ITGA2: variants seen among roughly 807,000 people sequenced by gnomAD.
The protein encoded by ITGA2 is integrin alpha-2.
In ITGA2, 101 loss-of-function variants were observed where a neutral mutation model predicts 146.3. That is an observed-to-expected ratio of 0.69 (90% CI 0.59 to 0.81). The LOEUF is 0.81. Among genes scored for constraint, ITGA2 ranks in the 40% least tolerant of loss-of-function variants. The pLI is 0.00. For missense variants in ITGA2, 1,281 were observed against 1,402.7 expected, an observed-to-expected ratio of 0.91 and a Z score of 1.39; for synonymous variants, 477 against 487.1, an observed-to-expected ratio of 0.98 and a Z score of 0.27.
rs1295743050 is a variant in ITGA2, at chr5:53,020,555, C to A, written c.65-6193C>A. Among the ~76,000 whole-genome samples the A allele has an allele frequency of 2.0e-5, 3 of 152,126 alleles. 1 individual carries two copies. The highest frequency in any genetic ancestry group is 4.8e-5 in the African/African-American group (2 of 41,446). On this transcript the variant is annotated intron_variant, in intron 1 of 29. Transcript: ENST00000296585. ...ATTTGTGCATGTGACAATAAGATTA[C>A]ACACTGCAAATGATGTTGAAATAAA...
At chr5:53,060,808 C>CA (rs1299675146) in intron 11 of ITGA2, 93 bp from the exon 12 acceptor site, 1 of 1,230,920 alleles carries the variant, frequency 8.1e-7, no homozygotes, top group Non-Finnish European at 1.2e-6. Context: ...ACATCTAACA[C>CA]AAAAGGATCT....
intron 3 of ITGA2, among the ~76,000 whole-genome samples, chr5:53,044,481 C>T (rs3212457): frequency 0.27 from 41,637 of 151,476 alleles, 5,792 homozygotes; most frequent in Admixed American, 0.32. Context: ...GGTTGATGCC[C>T]TAGGTCAGTG....
chr5:53,034,262 A>G (rs1474169433), intron 2 of ITGA2, among the ~76,000 whole-genome samples: 5 of 152,120 alleles, frequency 3.3e-5, no homozygotes, highest in African/African-American at 1.2e-4. Flanking sequence ...TTGCTGTACA[A>G]TTAAGCCATC....
At position 53,040,046 on chromosome 5, in the gene ITGA2, G is replaced by C. The variant is rs1004800195; in HGVS notation, c.186-2066G>C. Among the ~76,000 whole-genome samples the C allele has an allele frequency of 2.0e-5, 3 of 151,936 alleles. 1 individual carries two copies. In the South Asian group the frequency reaches 6.2e-4, roughly 32 times the overall value. ...CTATGTAGGTACTTAGGGTTACCTC[G>C]AGTTAAAAGAGCCGGGGGACTTCCT... is the stretch of plus-strand genomic sequence containing the variant. On this transcript the variant is annotated intron_variant, in intron 2 of 29. Coordinates refer to ENST00000296585, the MANE Select transcript of ITGA2 (RefSeq NM_002203.4).
At chr5:53,088,300 AG>A (rs1278551665) in intron 28 of ITGA2, among the ~76,000 whole-genome samples, 1 of 152,210 alleles carries the variant, frequency 6.6e-6, no homozygotes, top group East Asian at 1.9e-4. Flanking sequence ...TAAATCCATT[AG>A]ATTCCTCTTT....
intron 27 of ITGA2, among the ~76,000 whole-genome samples, chr5:53,083,690 C>T (rs1369706435): frequency 2.0e-5 from 3 of 152,158 alleles, no homozygotes; most frequent in Non-Finnish European, 4.4e-5. Flanking sequence ...TCTCAGACTC[C>T]ATGCGACCTA....
chr5:53,066,640 CATTG>C (rs1329753985), intron 15 of ITGA2, among the ~76,000 whole-genome samples: 1 of 151,770 alleles, frequency 6.6e-6, no homozygotes, highest in African/African-American at 2.4e-5. Context: ...AAATAATATT[CATTG>C]ATTATTTTTT....
rs886060686 is a variant in ITGA2 at position 53,093,712 on chromosome 5, G to A, written c.*3113G>A. On this transcript the variant is annotated 3_prime_UTR_variant, in exon 30 of 30. Coordinates refer to ENST00000296585, the MANE Select transcript of ITGA2 (RefSeq NM_002203.4). ...ATTCAACAATATTTTTGCTTTAAAAGTAAGTAGAGGGCATAAAAGATGTCA... is the reference window on the plus strand; with the variant it reads ...ATTCAACAATATTTTTGCTTTAAAAATAAGTAGAGGGCATAAAAGATGTCA... 1 of 152,320 alleles carries A rather than the reference G, an allele frequency of 6.6e-6. No individual in the cohort carries two copies. Among genetic ancestry groups the A allele is most frequent in the Non-Finnish European group, 1.5e-5 (1 of 68,022 alleles). 9.4% of individuals were successfully genotyped at this position (152,320 alleles called of 1,614,324 possible). A position where few individuals can be genotyped will look rare whatever the true frequency, so the allele number is the denominator to read the frequency against.
chr5:53,062,724 G>A, intron 12 of ITGA2, 62 bp from the exon 13 acceptor site: 1 of 1,529,968 alleles, frequency 6.5e-7, no homozygotes, highest in Non-Finnish European at 9.0e-7. Flanking sequence ...TAAATGTTCA[G>A]TGTAATATTA....
chr5:53,075,259 A>C lies in ITGA2; in HGVS notation c.2780A>C (p.Asn927Thr). ...QEENKADNLV[N>T]LKIPLLYDAE... ...GAAAACAAGGCTGATAATTTGGTCA[A>C]CCTCAAAATTCCTCTCCTGTATGAT... The change falls in exon 23 of 30, where the codon AAC becomes ACC. Residue 927 changes from asparagine (N) to threonine (T), a missense_variant. Around this residue, in one of 3 missense-constraint regions of ITGA2, gnomAD observed 475 missense variants for 530.5 expected, o/e 0.90. Transcript: ENST00000296585. The C allele has an allele frequency of 6.2e-7, 1 of 1,612,792 alleles. No individual in the cohort carries two copies. Among genetic ancestry groups the C allele is most frequent in the East Asian group, 2.2e-5 (1 of 44,748 alleles).
chr5:53,044,307 G>A (rs201424214), intron 3 of ITGA2, among the ~76,000 whole-genome samples: 2,946 of 51,832 alleles, frequency 0.057, no homozygotes, highest in African/African-American at 0.09. Context: ...AAAAAAAAAA[G>A]AAAGGTGAAC....
chr5:53,013,604 C>T (rs933060584), intron 1 of ITGA2, among the ~76,000 whole-genome samples: 1 of 151,874 alleles, frequency 6.6e-6, no homozygotes, highest in Non-Finnish European at 1.5e-5. Flanking sequence ...TTTTTGATTC[C>T]ATATGAATTA....
chr5:53,078,768 A>T lies in ITGA2; in HGVS notation c.2826-4A>T. ...TATTTGGCTTTACAAACATCATCCA[A>T]CAGATCTACCAACATAAATTTTTAT... On this transcript the variant is annotated splice_polypyrimidine_tract_variant and splice_region_variant and intron_variant, in intron 23 of 29. Transcript: ENST00000296585. 6.4e-7 allele frequency: 1 copy of T among 1,562,394 alleles called. No homozygotes were observed. Among genetic ancestry groups the T allele is most frequent in the East Asian group, 2.2e-5 (1 of 44,484 alleles).
intron 28 of ITGA2, among the ~76,000 whole-genome samples, chr5:53,088,685 CAAAA>C (rs5867861): frequency 1.9e-5 from 2 of 105,888 alleles, no homozygotes; most frequent in Non-Finnish European, 3.7e-5. Context: ...GACTCTGTCT[CAAAA>C]AAAAAAAAAA....
intron 18 of ITGA2, among the ~76,000 whole-genome samples, chr5:53,072,330 T>C (rs1289993826): frequency 6.6e-6 from 1 of 151,788 alleles, no homozygotes; most frequent in Non-Finnish European, 1.5e-5. Context: ...ATAAAGTAAA[T>C]GCCTTGTGCT....
intron 26 of ITGA2, among the ~76,000 whole-genome samples, 194 bp from the exon 27 acceptor site, chr5:53,083,146 G>C (rs1746005298): frequency 6.6e-6 from 1 of 151,974 alleles, no homozygotes; most frequent in South Asian, 2.1e-4. Flanking sequence ...GTGTGCACTT[G>C]GTACATTTTG....
intron 2 of ITGA2, among the ~76,000 whole-genome samples, chr5:53,039,984 T>C (rs1190314724): frequency 6.6e-6 from 1 of 151,850 alleles, no homozygotes; most frequent in Non-Finnish European, 1.5e-5. Context: ...TATGGGGCAA[T>C]ATGATTTTTT....
At chr5:53,020,690 T>A (rs1742632970) in intron 1 of ITGA2, among the ~76,000 whole-genome samples, 1 of 151,078 alleles carries the variant, frequency 6.6e-6, no homozygotes, top group Non-Finnish European at 1.5e-5. Context: ...ATTATTATTT[T>A]TTTTTTGGTG....
intron 13 of ITGA2, among the ~76,000 whole-genome samples, chr5:53,063,689 C>CA (rs3212687): frequency 0.022 from 3,308 of 151,730 alleles, 65 homozygotes; most frequent in Non-Finnish European, 0.028. Context: ...TATTTTGTAC[C>CA]ACCTGATTTA....
Sources: allele counts gnomAD v4.1 joint callset (sites outside exome capture counted in the v4.1 genomes callset), GRCh38; gene constraint gnomAD v4.1.1; regional missense constraint gnomAD v4.1.1; transcripts MANE v1.5; gene names NCBI Gene and HGNC (gene_info 2026-07-23, HGNC 2026-07-21).